WDPCP: variants seen among roughly 807,000 people sequenced by gnomAD.
WDPCP encodes the protein WD repeat-containing and planar cell polarity effector protein fritz homolog.
A neutral mutation model predicts 93.1 loss-of-function variants in WDPCP; 71 were observed. That is an observed-to-expected ratio of 0.76 (90% CI 0.63 to 0.93). The LOEUF is 0.93. Among genes scored for constraint, WDPCP ranks in the 40% least tolerant of loss-of-function variants. WDPCP has a pLI of 0.00. For missense variants in WDPCP, 844 were observed against 887.4 expected (o/e 0.95, Z 0.62); for synonymous variants, 315 against 315.0 (o/e 1.00, Z 0.00).
chr2:63,372,365 T>C (rs1345667087), intron 12 of WDPCP, among the ~76,000 whole-genome samples: 2 of 152,162 alleles, frequency 1.3e-5, no homozygotes, highest in Non-Finnish European at 1.5e-5. Context: ...GGGGCAAATA[T>C]ACAAACTTCT....
intron 9 of WDPCP, among the ~76,000 whole-genome samples, chr2:63,413,517 G>A (rs915320650): frequency 6.6e-6 from 1 of 152,126 alleles, no homozygotes; most frequent in Non-Finnish European, 1.5e-5. Context: ...CAAAGATAAG[G>A]CCGGGCATGG....
chr2:63,474,478 G>C (rs1025270721), intron 6 of WDPCP, among the ~76,000 whole-genome samples: 10 of 152,022 alleles, frequency 6.6e-5, no homozygotes, highest in African/African-American at 2.2e-4. Flanking sequence ...TGTACACTCT[G>C]ACCAGTGATT....
intron 3 of WDPCP, among the ~76,000 whole-genome samples, chr2:63,609,543 C>G (rs1039246055): frequency 2.0e-5 from 3 of 152,094 alleles, no homozygotes; most frequent in African/African-American, 7.2e-5. Flanking sequence ...TCAAACATAT[C>G]TTTAGAAGAG....
At chr2:63,711,821 T>C (rs1669268295) in intron 2 of WDPCP, among the ~76,000 whole-genome samples, 1 of 152,160 alleles carries the variant, frequency 6.6e-6, no homozygotes, top group South Asian at 2.1e-4. Context: ...GTAAACCCTA[T>C]GTGTGGTAAA....
the WDPCP span, among the ~76,000 whole-genome samples, chr2:63,835,341 G>C: frequency 4.2e-4 from 56 of 133,566 alleles, no homozygotes; most frequent in African/African-American, 1.5e-3. Flanking sequence ...AGTGAGCAGA[G>C]ACTGCACCAC....
At chr2:63,718,680 T>C (rs1223563347) in intron 2 of WDPCP, among the ~76,000 whole-genome samples, 2 of 152,246 alleles carry the variant, frequency 1.3e-5, no homozygotes, top group Non-Finnish European at 2.9e-5. Context: ...TTTGCAAATA[T>C]TTTCTCCCAT....
chr2:63,589,480 C>T, upstream of WDPCP: 1 of 1,246,328 alleles, frequency 8.0e-7, no homozygotes, highest in East Asian at 2.5e-5. Context: ...ACCTTGAAAG[C>T]AAAAAGCTGG....
intron 9 of WDPCP, among the ~76,000 whole-genome samples, chr2:63,426,902 CA>C (rs1223671117): frequency 2.0e-5 from 3 of 152,242 alleles, no homozygotes; most frequent in African/African-American, 7.2e-5. Flanking sequence ...AAAGATCTAT[CA>C]TGCAAACAGA....
chr2:63,622,756 A>T, intron 3 of WDPCP: 1 of 1,613,100 alleles, frequency 6.2e-7, no homozygotes, highest in Non-Finnish European at 8.5e-7. Context: ...GGATTCGGGT[A>T]CCGCTGCCAG....
intron 1 of WDPCP, among the ~76,000 whole-genome samples, chr2:63,578,020 C>A (rs995091449): frequency 6.6e-6 from 1 of 152,170 alleles, no homozygotes; most frequent in Non-Finnish European, 1.5e-5. Flanking sequence ...ACAATCTACA[C>A]AGATGTTCAC....
chr2:63,660,003 A>G (rs139609360), intron 2 of WDPCP, among the ~76,000 whole-genome samples: 4 of 152,296 alleles, frequency 2.6e-5, no homozygotes, highest in African/African-American at 7.2e-5. Context: ...TATTATATTT[A>G]CCCTTATCTC....
chr2:63,730,517 G>T (rs1250866813), intron 2 of WDPCP, among the ~76,000 whole-genome samples: 1 of 152,134 alleles, frequency 6.6e-6, no homozygotes, highest in African/African-American at 2.4e-5. Flanking sequence ...AGGCTGGAGT[G>T]CAACAGCGTA....
At chr2:63,622,965 G>A (rs1297801712) in intron 3 of WDPCP, 5 of 712,820 alleles carry the variant, frequency 7.0e-6, no homozygotes, top group African/African-American at 1.8e-5. Context: ...CCACCGCACG[G>A]CGCCCAAGCA....
chr2:63,651,252 C>T (rs1019352215), intron 2 of WDPCP, among the ~76,000 whole-genome samples: 4 of 152,014 alleles, frequency 2.6e-5, no homozygotes, highest in African/African-American at 9.7e-5. Context: ...TTAGTCTGTC[C>T]TTTAACAAGT....
At chr2:63,550,536 T>C (rs11693909) in intron 1 of WDPCP, among the ~76,000 whole-genome samples, 123,544 of 151,804 alleles carry the variant, frequency 0.81, 51,073 homozygotes, top group East Asian at 0.98. Flanking sequence ...TCTGACCACT[T>C]TTCCTTAAGT....
chr2:63,250,958 T>C (rs946048023), intron 14 of WDPCP, among the ~76,000 whole-genome samples: 6 of 152,126 alleles, frequency 3.9e-5, no homozygotes, highest in Admixed American at 2.0e-4. Context: ...CCTCATTTCA[T>C]TGCCTATACA....
intron 6 of WDPCP, among the ~76,000 whole-genome samples, chr2:63,450,325 C>A (rs1281833394): frequency 6.6e-6 from 1 of 152,120 alleles, no homozygotes; most frequent in East Asian, 1.9e-4. Flanking sequence ...CACTGTGGTG[C>A]TGCTACCTGT....
At chr2:63,704,804 T>C (rs1478035109) in intron 2 of WDPCP, among the ~76,000 whole-genome samples, 1 of 152,240 alleles carries the variant, frequency 6.6e-6, no homozygotes, top group Non-Finnish European at 1.5e-5. Flanking sequence ...AGGATGATGC[T>C]GGCCTCATAA....
At chr2:63,534,376 C>T (rs981330640) in intron 1 of WDPCP, among the ~76,000 whole-genome samples, 4 of 152,174 alleles carry the variant, frequency 2.6e-5, no homozygotes, top group Non-Finnish European at 4.4e-5. Context: ...CAGCATCAAC[C>T]TGATACCAAA....
Sources: allele counts gnomAD v4.1 joint callset (sites outside exome capture counted in the v4.1 genomes callset), GRCh38; gene constraint gnomAD v4.1.1; transcripts MANE v1.5; gene names NCBI Gene and HGNC (gene_info 2026-07-23, HGNC 2026-07-21).